The following C1GALT1 variants were observed in gnomAD, a reference collection of about 807,000 sequenced individuals.
The protein encoded by C1GALT1 is core 1 synthase, glycoprotein-N-acetylgalactosamine 3-beta-galactosyltransferase 1.
C1GALT1 carries 11 observed loss-of-function variants against 31.0 expected under a neutral mutation model. The ratio of observed to expected loss-of-function variants is 0.36; its 90% CI spans 0.22 to 0.59. C1GALT1 has a LOEUF of 0.59. Among genes scored for constraint, C1GALT1 ranks in the 20% least tolerant of loss-of-function variants. The pLI is 0.79. For missense variants in C1GALT1, 424 were observed against 425.2 expected, an observed-to-expected ratio of 1.00 and a Z score of 0.03; for synonymous variants, 175 against 143.6, an observed-to-expected ratio of 1.22 and a Z score of -1.56.
intron 1 of C1GALT1, among the ~76,000 whole-genome samples, chr7:7,207,616 C>G (rs993092087): frequency 6.6e-6 from 1 of 151,772 alleles, no homozygotes; most frequent in Non-Finnish European, 1.5e-5. Context: ...ACCATCGGGT[C>G]TTTTTCAGGG....
chr7:7,187,641 CAG>C (rs1562560952), intron 1 of C1GALT1, among the ~76,000 whole-genome samples: 5 of 152,108 alleles, frequency 3.3e-5, no homozygotes, highest in Non-Finnish European at 7.4e-5. Flanking sequence ...GCTTCCACAA[CAG>C]AGAGTTATCC....
At chr7:7,216,884 TAG>T (rs939585290) in intron 1 of C1GALT1, among the ~76,000 whole-genome samples, 4 of 152,022 alleles carry the variant, frequency 2.6e-5, no homozygotes, top group African/African-American at 4.8e-5. Flanking sequence ...AGAGAAACCA[TAG>T]AGAGAGAGAG....
intron 1 of C1GALT1, among the ~76,000 whole-genome samples, chr7:7,195,697 G>A (rs957221921): frequency 2.6e-5 from 4 of 152,132 alleles, no homozygotes; most frequent in African/African-American, 9.7e-5. Flanking sequence ...TTGTTCTGGG[G>A]TATAGTTTAA....
At chr7:7,190,238 A>G (rs1781005830) in intron 1 of C1GALT1, among the ~76,000 whole-genome samples, 3 of 152,202 alleles carry the variant, frequency 2.0e-5, no homozygotes, top group African/African-American at 7.2e-5. Context: ...AAAGCACGGC[A>G]AGACTGTGTG....
At position 7,245,610 on chromosome 7, in the gene C1GALT1, T is replaced by G. The variant is rs1172995842; in HGVS notation, c.*1883T>G. 6.6e-6 allele frequency: 1 copy of G among 152,274 alleles called. No homozygotes were observed. The highest frequency in any genetic ancestry group is 2.4e-5 in the African/African-American group (1 of 41,480). The allele number at this position is 152,274 out of a possible 1,614,324, so 9.4% of individuals were successfully genotyped here. A position where few individuals can be genotyped will look rare whatever the true frequency, so the allele number is the denominator to read the frequency against. The stretch of plus-strand genomic sequence containing the variant: ...ACGTAGTGAAAACATGCACCAGTTT[T>G]TACCTATTATCATGGTAGTATCATC... On this transcript the variant is annotated 3_prime_UTR_variant, in exon 4 of 4. Transcript: ENST00000436587.
At chr7:7,217,915 C>G (rs887629843) in intron 1 of C1GALT1, among the ~76,000 whole-genome samples, 8 of 152,170 alleles carry the variant, frequency 5.3e-5, no homozygotes, top group Non-Finnish European at 1.5e-5. Flanking sequence ...TCTCCCCTCC[C>G]TGCCGCAAAA....
At chr7:7,197,456 A>G (rs556235827) in intron 1 of C1GALT1, among the ~76,000 whole-genome samples, 1 of 152,250 alleles carries the variant, frequency 6.6e-6, no homozygotes, top group South Asian at 2.1e-4. Context: ...CTTGTAGTAT[A>G]GTTTGAAGTC....
intron 1 of C1GALT1, among the ~76,000 whole-genome samples, chr7:7,203,061 C>G (rs1202524438): frequency 7.3e-6 from 1 of 137,068 alleles, no homozygotes; most frequent in Non-Finnish European, 1.6e-5. Context: ...GTATTTGCTT[C>G]TTTGCTAAAT....
At position 7,238,501 on chromosome 7, in the gene C1GALT1, A is replaced by G. The variant is rs372580480; in HGVS notation, c.467A>G (p.Glu156Gly). The G allele has an allele frequency of 6.8e-6, 11 of 1,614,034 alleles. No individual in the cohort carries two copies. Among genetic ancestry groups the G allele is most frequent in the Non-Finnish European group, 8.5e-6 (10 of 1,179,994 alleles). Residue 156 changes from glutamate (E) to glycine (G), a missense_variant, in exon 3 of 4, where the codon GAA becomes GGA. Physicochemically the swap from Glu to Gly is moderately conservative, Grantham distance 98. This residue lies in a region of C1GALT1 where 44 missense variants were observed against 78.3 expected (regional missense o/e 0.56). Coordinates refer to ENST00000436587, the MANE Select transcript of C1GALT1 (RefSeq NM_020156.5). The surrounding 1 kb of genome is among the most constrained non-coding windows in gnomAD (Gnocchi z 5.2). ...KTIKAFQYVH[E>G]HYLEDADWFL... is the part of the protein sequence containing the mutation. ...ATTAAAGCTTTTCAGTATGTTCATG[A>G]ACATTATTTAGAAGATGCTGATTGG... is the stretch of plus-strand genomic sequence containing the variant.
chr7:7,225,479 G>T (rs1782717602), intron 1 of C1GALT1, among the ~76,000 whole-genome samples: 1 of 152,208 alleles, frequency 6.6e-6, no homozygotes, highest in Non-Finnish European at 1.5e-5. Context: ...GGAACTGGAA[G>T]AAACACAATA....
intron 1 of C1GALT1, among the ~76,000 whole-genome samples, chr7:7,232,166 C>CTAA (rs1488959910): frequency 6.6e-6 from 1 of 152,216 alleles, no homozygotes; most frequent in African/African-American, 2.4e-5. Context: ...TTTGGCCCTA[C>CTAA]TAATTCTCAC....
intron 1 of C1GALT1, among the ~76,000 whole-genome samples, chr7:7,211,663 G>T (rs912890220): frequency 8.5e-5 from 13 of 152,146 alleles, no homozygotes; most frequent in East Asian, 1.9e-4. Flanking sequence ...ATTTCCCTTT[G>T]GTGGTCTATG....
chr7:7,231,845 CAGG>C (rs1783089444), intron 1 of C1GALT1, among the ~76,000 whole-genome samples: 1 of 151,600 alleles, frequency 6.6e-6, no homozygotes. Context: ...TATATTTCTC[CAGG>C]AGAATATTTT....
chr7:7,209,947 C>G (rs1011134040), intron 1 of C1GALT1, among the ~76,000 whole-genome samples: 2 of 151,618 alleles, frequency 1.3e-5, no homozygotes, highest in Non-Finnish European at 2.9e-5. Flanking sequence ...CGGGCAGGGG[C>G]GGGGGACACA....
intron 2 of C1GALT1, among the ~76,000 whole-genome samples, chr7:7,173,363 C>A (rs1389430537): frequency 6.6e-6 from 1 of 151,982 alleles, no homozygotes. Context: ...CAGAAGCCAG[C>A]ATCATGCTTC....
intron 3 of C1GALT1, among the ~76,000 whole-genome samples, chr7:7,240,416 A>G (rs1346584975): frequency 4.6e-5 from 7 of 152,138 alleles, no homozygotes; most frequent in Admixed American, 2.6e-4. Flanking sequence ...CTGTTTTTCT[A>G]TTTTAGTGAG....
In C1GALT1 at chr7:7,238,653, A is replaced by G. The variant is rs772544206; in HGVS notation, c.619A>G (p.Met207Val). ...RFKPYVKQGY[M>V]SGGAGYVLSK... Reference sequence around the variant, plus strand: ...TAAGCCTTATGTAAAGCAGGGCTACATGAGTGGAGGAGCAGGATATGTACT... The same window carrying G: ...TAAGCCTTATGTAAAGCAGGGCTACGTGAGTGGAGGAGCAGGATATGTACT... Residue 207 changes from methionine (M) to valine (V), a missense_variant, in exon 3 of 4, where the codon ATG becomes GTG. Physicochemically the swap from Met to Val is conservative, Grantham distance 21 (BLOSUM62 1). Transcript: ENST00000436587. This position sits in a 1 kb window ranked among gnomAD's most constrained non-coding sequence, Gnocchi z 5.2. The G allele has an allele frequency of 6.2e-7, 1 of 1,614,130 alleles. No individual in the cohort carries two copies. Among genetic ancestry groups the G allele is most frequent in the Non-Finnish European group, 8.5e-7 (1 of 1,179,982 alleles).
intron 1 of C1GALT1, among the ~76,000 whole-genome samples, chr7:7,193,663 C>T (rs61081594): frequency 0.033 from 5,010 of 151,850 alleles, 187 homozygotes; most frequent in African/African-American, 0.092. Flanking sequence ...ATGTGTGTTC[C>T]TTTTCAGTTT....
upstream of C1GALT1, among the ~76,000 whole-genome samples, chr7:7,180,660 A>G (rs1780561599): frequency 6.6e-6 from 1 of 152,254 alleles, no homozygotes; most frequent in Non-Finnish European, 1.5e-5. Flanking sequence ...ATTTGGACAG[A>G]TTTTAACTTC....
Sources: allele counts gnomAD v4.1 joint callset (sites outside exome capture counted in the v4.1 genomes callset), GRCh38; gene constraint gnomAD v4.1.1; regional missense constraint gnomAD v4.1.1; non-coding constraint Gnocchi (gnomAD v3.1); transcripts MANE v1.5; gene names NCBI Gene and HGNC (gene_info 2026-07-23, HGNC 2026-07-21).